Variants in TBC1D8 observed in about 807,000 individuals in gnomAD.
TBC1D8 encodes TBC1 domain family member 8, also known as BUB2-like protein 1.
A neutral mutation model predicts 118.8 loss-of-function variants in TBC1D8; 65 were observed. The ratio of observed to expected loss-of-function variants is 0.55; its 90% CI spans 0.45 to 0.67. The LOEUF (loss-of-function observed/expected upper bound fraction) is 0.67. Among genes scored for constraint, TBC1D8 ranks in the 30% least tolerant of loss-of-function variants. The pLI is 0.00. For synonymous variants in TBC1D8, 566 were observed against 595.8 expected (o/e 0.95, Z 0.73); for missense variants, 1,376 against 1,471.2 (o/e 0.94, Z 1.06).
At chr2:101,077,105 C>G (rs1246961012) in intron 2 of TBC1D8, among the ~76,000 whole-genome samples, 10 of 152,148 alleles carry the variant, frequency 6.6e-5, no homozygotes, top group Admixed American at 3.3e-4. Flanking sequence ...CTCACTGCAA[C>G]CTCCGCCTCC....
In TBC1D8 at chr2:101,124,315, C is replaced by G. The variant is rs1354253698; in HGVS notation, c.127+26812G>C. ...GTCATGATTACATAGGGCATCTAAG[C>G]AGTGGGTGACTAAGACAAGCTCATT... On this transcript the variant is annotated intron_variant, in intron 1 of 19. Coordinates refer to ENST00000409318, the MANE Select transcript of TBC1D8 (RefSeq NM_001330348.2). Among the ~76,000 whole-genome samples the G allele has an allele frequency of 2.0e-5, 3 of 152,188 alleles. No individual in the cohort carries two copies. In the East Asian group the frequency reaches 5.8e-4, roughly 29 times the overall value.
At chr2:101,079,877 G>A (rs754027975) in intron 2 of TBC1D8, among the ~76,000 whole-genome samples, 4 of 151,696 alleles carry the variant, frequency 2.6e-5, no homozygotes, top group African/African-American at 7.3e-5. Flanking sequence ...TAGTAGAGAC[G>A]GGGTTTCACT....
intron 15 of TBC1D8, chr2:101,024,149 T>C (rs1024406988): frequency 6.6e-5 from 10 of 152,214 alleles, no homozygotes; most frequent in Admixed American, 4.6e-4. Flanking sequence ...TTAGTTTACA[T>C]AGAATGCCAC....
intron 5 of TBC1D8, among the ~76,000 whole-genome samples, chr2:101,050,116 C>T (rs142198083): frequency 3.9e-5 from 6 of 152,286 alleles, no homozygotes; most frequent in East Asian, 1.9e-4. Context: ...CGTGAGCCAC[C>T]GCAACCGGCC....
chr2:101,097,030 T>A (rs1046359797), intron 1 of TBC1D8, among the ~76,000 whole-genome samples: 4 of 152,118 alleles, frequency 2.6e-5, no homozygotes, highest in African/African-American at 7.2e-5. Flanking sequence ...TGGTAAATCA[T>A]ATTCAAATTG....
In TBC1D8 at chr2:101,127,420, C is replaced by A. The variant is rs1161756467; in HGVS notation, c.127+23707G>T. Among the ~76,000 whole-genome samples the A allele has an allele frequency of 3.9e-5, 6 of 152,108 alleles. No individual in the cohort carries two copies. The South Asian group carries it at 1.0e-3, about 26-fold the overall frequency. On this transcript the variant is annotated intron_variant, in intron 1 of 19. Transcript: ENST00000409318. ...AGAATGACAAAAACTCCAGTCTGGG[C>A]TTTTCAATCTCTCAACTCACTTCAT...
intron 1 of TBC1D8, among the ~76,000 whole-genome samples, chr2:101,115,160 G>T (rs1001707479): frequency 4.6e-5 from 7 of 152,268 alleles, no homozygotes; most frequent in East Asian, 1.9e-4. Context: ...CACACATTAT[G>T]ACAGACAGCG....
intron 1 of TBC1D8, among the ~76,000 whole-genome samples, chr2:101,135,417 T>TA (rs547748570): frequency 0.03 from 4,236 of 142,562 alleles, 66 homozygotes; most frequent in South Asian, 0.047. Context: ...GCTCAACTAA[T>TA]AAAAAAAAAA....
At chr2:101,112,450 A>C (rs1322137147) in intron 1 of TBC1D8, among the ~76,000 whole-genome samples, 1 of 152,248 alleles carries the variant, frequency 6.6e-6, no homozygotes, top group African/African-American at 2.4e-5. Flanking sequence ...GGCCAGGGCC[A>C]TAATGGGAGA....
chr2:101,067,136 CAG>C (rs1402987121), intron 2 of TBC1D8, among the ~76,000 whole-genome samples: 2 of 152,080 alleles, frequency 1.3e-5, no homozygotes, highest in Non-Finnish European at 2.9e-5. Flanking sequence ...TTCTGGCTGG[CAG>C]AGTGTTTACG....
At chr2:101,122,833 G>A (rs1164866037) in intron 1 of TBC1D8, among the ~76,000 whole-genome samples, 1 of 152,034 alleles carries the variant, frequency 6.6e-6, no homozygotes, top group African/African-American at 2.4e-5. Flanking sequence ...CAGCACCACC[G>A]CGAGCCCTTC....
intron 4 of TBC1D8, among the ~76,000 whole-genome samples, chr2:101,051,675 C>T (rs903144347): frequency 6.6e-5 from 10 of 152,014 alleles, no homozygotes; most frequent in African/African-American, 2.4e-4. Flanking sequence ...CAAAAGAAGA[C>T]ATACATGCGG....
At chr2:101,113,556 G>A (rs910708885) in intron 1 of TBC1D8, among the ~76,000 whole-genome samples, 3 of 152,050 alleles carry the variant, frequency 2.0e-5, no homozygotes, top group African/African-American at 7.2e-5. Context: ...CACAAATACC[G>A]CCTGCAGCCT....
chr2:101,143,503 A>G (rs572462680), intron 1 of TBC1D8, among the ~76,000 whole-genome samples: 1 of 152,320 alleles, frequency 6.6e-6, no homozygotes, highest in South Asian at 2.1e-4. Flanking sequence ...CACTAGAGGA[A>G]TAAGTCTGGT....
chr2:101,063,046 T>TCTCC (rs1271580053), intron 2 of TBC1D8, among the ~76,000 whole-genome samples: 1 of 152,156 alleles, frequency 6.6e-6, no homozygotes, highest in Non-Finnish European at 1.5e-5. Context: ...CAGCGAGCTG[T>TCTCC]CTCCCTCCAC....
At chr2:101,102,979 G>A (rs1470751457) in intron 1 of TBC1D8, among the ~76,000 whole-genome samples, 2 of 152,070 alleles carry the variant, frequency 1.3e-5, no homozygotes, top group Admixed American at 6.6e-5. Context: ...AGAAAACAGA[G>A]CAGAGGGAAC....
intron 16 of TBC1D8, among the ~76,000 whole-genome samples, 155 bp downstream of exon 16, chr2:101,022,126 C>A (rs751141566): frequency 6.6e-6 from 1 of 152,142 alleles, no homozygotes; most frequent in African/African-American, 2.4e-5. Context: ...CTGAGAGGGG[C>A]CTGCAGAGTG....
chr2:101,068,334 G>T (rs2105433359), intron 2 of TBC1D8: 1 of 219,492 alleles, frequency 4.6e-6, no homozygotes, highest in South Asian at 7.2e-5. Flanking sequence ...TCTTCTGTAG[G>T]CTTGAGTCAA....
chr2:101,141,659 C>G (rs1322441773), intron 1 of TBC1D8, among the ~76,000 whole-genome samples: 1 of 151,258 alleles, frequency 6.6e-6, no homozygotes, highest in Non-Finnish European at 1.5e-5. Context: ...TTAATTAAAA[C>G]AAAAGGGAAA....
Sources: allele counts gnomAD v4.1 joint callset (sites outside exome capture counted in the v4.1 genomes callset), GRCh38; gene constraint gnomAD v4.1.1; transcripts MANE v1.5; gene names NCBI Gene and HGNC (gene_info 2026-07-23, HGNC 2026-07-21).